SNTG1: variants seen among roughly 807,000 people sequenced by gnomAD.
The protein encoded by SNTG1 is gamma-1-syntrophin.
SNTG1 carries 39 observed loss-of-function variants against 74.7 expected under a neutral mutation model. The ratio of observed to expected loss-of-function variants is 0.52; its 90% CI spans 0.40 to 0.68. The LOEUF (loss-of-function observed/expected upper bound fraction) is 0.68, where lower values mean the gene tolerates loss of function less well. Among genes scored for constraint, SNTG1 ranks in the 30% least tolerant of loss-of-function variants. The pLI is 0.00. For missense variants in SNTG1, 685 were observed against 609.5 expected, an observed-to-expected ratio of 1.12 and a Z score of -1.30; for synonymous variants, 254 against 217.1, an observed-to-expected ratio of 1.17 and a Z score of -1.49.
rs189298074 is a variant in SNTG1, at chr8:50,764,855, T to C, written c.1395+12744T>C. 3.3e-5 allele frequency among the ~76,000 whole-genome samples: 5 copies of C among 152,098 alleles called. No individual in the cohort carries two copies. In the East Asian group the frequency reaches 9.7e-4, roughly 30 times the overall value. On this transcript the variant is annotated intron_variant, in intron 18 of 18. Coordinates refer to ENST00000642720, the MANE Select transcript of SNTG1 (RefSeq NM_018967.5). ...ATGTTAATTGCTACTCCACTCACAATAGCCAACACACAGAATCAACCTAAA... is the reference window on the plus strand; with the variant it reads ...ATGTTAATTGCTACTCCACTCACAACAGCCAACACACAGAATCAACCTAAA...
chr8:50,132,881 T>C (rs536926364), intron 1 of SNTG1, among the ~76,000 whole-genome samples: 5 of 152,254 alleles, frequency 3.3e-5, no homozygotes, highest in African/African-American at 4.8e-5. Flanking sequence ...TGTGTCTCTA[T>C]CCCTGGCTTC....
intron 1 of SNTG1, among the ~76,000 whole-genome samples, chr8:49,964,783 GT>G: frequency 6.6e-6 from 1 of 152,002 alleles, no homozygotes; most frequent in African/African-American, 2.4e-5. Flanking sequence ...ATGATAGTAG[GT>G]ATTCATTAGT....
chr8:50,778,592 T>C (rs1010810096), intron 18 of SNTG1, among the ~76,000 whole-genome samples: 1 of 151,962 alleles, frequency 6.6e-6, no homozygotes, highest in African/African-American at 2.4e-5. Flanking sequence ...CATAGTAGAT[T>C]CTGGATATTA....
intron 17 of SNTG1, among the ~76,000 whole-genome samples, chr8:50,715,568 C>T (rs2095473080): frequency 6.6e-6 from 1 of 152,120 alleles, no homozygotes; most frequent in Non-Finnish European, 1.5e-5. Context: ...TAAGAATGAG[C>T]TCTATCACAG....
chr8:50,445,863 A>G (rs904466872), intron 5 of SNTG1, among the ~76,000 whole-genome samples: 1 of 152,182 alleles, frequency 6.6e-6, no homozygotes, highest in Non-Finnish European at 1.5e-5. Flanking sequence ...TCAAATTGTT[A>G]CCAGAATAAA....
chr8:50,681,127 A>G (rs888142345), intron 15 of SNTG1, among the ~76,000 whole-genome samples: 18 of 152,212 alleles, frequency 1.2e-4, no homozygotes, highest in Admixed American at 1.1e-3. Flanking sequence ...AATTATAGAC[A>G]TTAAAATTTT....
chr8:50,078,909 A>G (rs548689151), intron 1 of SNTG1, among the ~76,000 whole-genome samples: 47 of 152,300 alleles, frequency 3.1e-4, no homozygotes, highest in African/African-American at 8.9e-4. Context: ...TTATGGCTGC[A>G]TAGTATTCCA....
Position 50,154,370 on chromosome 8 carries a change from G to A in SNTG1, c.-102-18191G>A, listed in dbSNP as rs537781413. Among the ~76,000 whole-genome samples, 5 of 152,208 alleles carry A rather than the reference G, an allele frequency of 3.3e-5. No homozygotes were observed. The South Asian group carries it at 1.0e-3, about 32-fold the overall frequency. On this transcript the variant is annotated intron_variant, in intron 1 of 18. Coordinates refer to ENST00000642720, the MANE Select transcript of SNTG1 (RefSeq NM_018967.5). Reference sequence around the variant, plus strand: ...AGGAAAGGGAATTCCCTGACCCCTTGCACTTCCTGGGTAAGGCGATGCCTC... The same window carrying A: ...AGGAAAGGGAATTCCCTGACCCCTTACACTTCCTGGGTAAGGCGATGCCTC...
chr8:50,427,099 G>A (rs1266086698), intron 4 of SNTG1, among the ~76,000 whole-genome samples: 1 of 152,034 alleles, frequency 6.6e-6, no homozygotes, highest in Non-Finnish European at 1.5e-5. Flanking sequence ...CTGAGGAATG[G>A]TTATGTATAC....
At chr8:49,987,579 G>A (rs1021654070) in intron 1 of SNTG1, among the ~76,000 whole-genome samples, 24 of 151,908 alleles carry the variant, frequency 1.6e-4, no homozygotes, top group African/African-American at 4.6e-4. Flanking sequence ...ATTAGTGGAC[G>A]CTAACAGCCT....
intron 18 of SNTG1, among the ~76,000 whole-genome samples, chr8:50,788,380 T>C (rs944222881): frequency 6.6e-6 from 1 of 152,046 alleles, no homozygotes. Context: ...TGAGTTATGG[T>C]TTAATGATCT....
At chr8:50,074,653 T>C (rs968343825) in intron 1 of SNTG1, among the ~76,000 whole-genome samples, 14 of 152,182 alleles carry the variant, frequency 9.2e-5, no homozygotes, top group African/African-American at 3.4e-4. Context: ...ATAATAATAA[T>C]GAAAAAGTTA....
intron 8 of SNTG1, among the ~76,000 whole-genome samples, chr8:50,456,484 T>C (rs927194534): frequency 2.6e-5 from 4 of 152,054 alleles, no homozygotes; most frequent in Non-Finnish European, 5.9e-5. Context: ...GCTTTAAAGA[T>C]AGTGTCTTTT....
At chr8:50,138,145 T>C (rs937555610) in intron 1 of SNTG1, among the ~76,000 whole-genome samples, 2 of 152,046 alleles carry the variant, frequency 1.3e-5, no homozygotes, top group Admixed American at 6.6e-5. Context: ...ATGACATTAG[T>C]GTGAGGACTT....
At chr8:49,977,176 C>T (rs1473690081) in intron 1 of SNTG1, among the ~76,000 whole-genome samples, 2 of 151,992 alleles carry the variant, frequency 1.3e-5, no homozygotes, top group Admixed American at 6.6e-5. Flanking sequence ...ATGACAAGTC[C>T]TCTCAGCAAG....
At chr8:50,097,662 A>C (rs1172657855) in intron 1 of SNTG1, among the ~76,000 whole-genome samples, 1 of 152,118 alleles carries the variant, frequency 6.6e-6, no homozygotes, top group Non-Finnish European at 1.5e-5. Flanking sequence ...AAAAAAAAAA[A>C]CAAAAAACGA....
intron 2 of SNTG1, among the ~76,000 whole-genome samples, chr8:50,247,341 G>C (rs1170339441): frequency 6.6e-6 from 1 of 152,002 alleles, no homozygotes. Flanking sequence ...CATAAATTTG[G>C]TGTTTGTTCT....
Position 50,556,719 on chromosome 8 carries a change from G to C in SNTG1, c.810+3540G>C, listed in dbSNP as rs112548836. Among the ~76,000 whole-genome samples, 825 of 152,184 alleles carry C rather than the reference G, an allele frequency of 5.4e-3. 7 individuals are homozygous for C. Among genetic ancestry groups the C allele is most frequent in the African/African-American group, 0.019 (770 of 41,528 alleles). ...GGATATGAATCATCAGACTTTGATG[G>C]GTAGGTTAGTAAGATGCACCTCCGT... On this transcript the variant is annotated intron_variant, in intron 12 of 18. Coordinates refer to ENST00000642720, the MANE Select transcript of SNTG1 (RefSeq NM_018967.5).
Position 50,064,116 on chromosome 8 carries a change from C to T in SNTG1, c.-102-108445C>T, listed in dbSNP as rs373716341. The stretch of plus-strand genomic sequence containing the variant: ...TTATAAGATTAAATATGGAAATACA[C>T]ATAAAGTAACCTACACAGTGCTTGG... On this transcript the variant is annotated intron_variant, in intron 1 of 18. Coordinates refer to ENST00000642720, the MANE Select transcript of SNTG1 (RefSeq NM_018967.5). Among the ~76,000 whole-genome samples, 22 of 152,306 alleles carry T rather than the reference C, an allele frequency of 1.4e-4. No homozygotes were observed. In the East Asian group the frequency reaches 3.5e-3, roughly 24 times the overall value.
Sources: allele counts gnomAD v4.1 joint callset (sites outside exome capture counted in the v4.1 genomes callset), GRCh38; gene constraint gnomAD v4.1.1; transcripts MANE v1.5; gene names NCBI Gene and HGNC (gene_info 2026-07-23, HGNC 2026-07-21).